SPEM3: variants seen among roughly 807,000 people sequenced by gnomAD.
The protein encoded by SPEM3 is SPEM family member 3, also known as uncharacterized protein SPEM3.
Position 7,431,335 on chromosome 17 carries a change from C to G in SPEM3, c.2164C>G (p.Leu722Val). Reference sequence around the variant, plus strand: ...CCCAGGTCTTGCTCCAAATCAAGGCCTACATGAGTTCCCAGGCCTTCCCCA... The same window carrying G: ...CCCAGGTCTTGCTCCAAATCAAGGCGTACATGAGTTCCCAGGCCTTCCCCA... Reference protein sequence around the residue: ...ENPGLAPNQGLHEFPGLPQDS... With the variant: ...ENPGLAPNQGVHEFPGLPQDS... Residue 722 changes from leucine (L) to valine (V), a missense_variant, in exon 3 of 3, where the codon CTA becomes GTA. By Grantham distance (32) the Leu-to-Val change is conservative (BLOSUM62 1). Coordinates refer to ENST00000636696, the MANE Select transcript of SPEM3 (RefSeq NM_001364708.1). 1 of 398,522 alleles carries G rather than the reference C, an allele frequency of 2.5e-6. No homozygotes were observed. Among genetic ancestry groups the G allele is most frequent in the Non-Finnish European group, 4.4e-6 (1 of 226,062 alleles). 24.7% of individuals were successfully genotyped at this position (398,522 alleles called of 1,614,324 possible).
At position 7,430,074 on chromosome 17, in the gene SPEM3, A is replaced by T; in HGVS notation, c.903A>T (p.Ser301=). The part of the protein sequence containing the change: ...KASAHTKAHT[S]AQAQTHSPPH... Reference sequence around the variant, plus strand: ...CAGCTCACACTAAAGCCCATACGTCAGCCCAGGCCCAAACCCACTCTCCGC... The same window carrying T: ...CAGCTCACACTAAAGCCCATACGTCTGCCCAGGCCCAAACCCACTCTCCGC... The change falls in exon 3 of 3, where the codon TCA becomes TCT. Residue 301 remains serine, a synonymous_variant. Transcript: ENST00000636696. The T allele has an allele frequency of 2.4e-6, 1 of 411,580 alleles. No homozygotes were observed. Among genetic ancestry groups the T allele is most frequent in the Non-Finnish European group, 4.3e-6 (1 of 234,188 alleles). The allele number at this position is 411,580 out of a possible 1,614,324, so 25.5% of individuals were successfully genotyped here.
rs1907798078 is a variant in SPEM3, at chr17:7,430,480, C to G, written c.1309C>G (p.Pro437Ala). 2.5e-6 allele frequency: 1 copy of G among 399,444 alleles called. No individual in the cohort carries two copies. Among genetic ancestry groups the G allele is most frequent in the South Asian group, 1.3e-4 (1 of 7,976 alleles). The allele number at this position is 399,444 out of a possible 1,614,324, so 24.7% of individuals were successfully genotyped here. A position where few individuals can be genotyped will look rare whatever the true frequency, so the allele number is the denominator to read the frequency against. ...APIITPIPST[P>A]PAFSHDLSTG... The stretch of plus-strand genomic sequence containing the variant: ...TATCATAACTCCTATACCCTCTACC[C>G]CACCTGCCTTCAGCCATGACCTCTC... Residue 437 changes from proline to alanine, a missense_variant, in exon 3 of 3, where the codon CCA (proline) becomes GCA (alanine). Pro to Ala is a conservative substitution (Grantham distance 27). Transcript: ENST00000636696.
At position 7,430,878 on chromosome 17, in the gene SPEM3, T is replaced by C; in HGVS notation, c.1707T>C (p.Asp569=). 1 of 398,696 alleles carries C rather than the reference T, an allele frequency of 2.5e-6. No homozygotes were observed. The highest frequency in any genetic ancestry group is 4.4e-6 in the Non-Finnish European group (1 of 226,136). The allele number at this position is 398,696 out of a possible 1,614,324, so 24.7% of individuals were successfully genotyped here. The change falls in exon 3 of 3, where the codon GAT becomes GAC. Residue 569 remains aspartate (D), a synonymous_variant. Transcript: ENST00000636696. ...CCAAATTCCTTGCCTACTCCCGGGA[T>C]ACTGCATGTGCCAAGACTTGCTTTC... The part of the protein sequence containing the change: ...FYPKFLAYSR[D]TACAKTCFHS...
rs528996205 is a variant in SPEM3 at position 7,431,250 on chromosome 17, C to T, written c.2079C>T (p.Ala693=). The T allele has an allele frequency of 2.4e-4, 95 of 398,532 alleles. No homozygotes were observed. Among genetic ancestry groups the T allele is most frequent in the African/African-American group, 1.8e-3 (89 of 48,674 alleles). The allele number at this position is 398,532 out of a possible 1,614,324, so 24.7% of individuals were successfully genotyped here. The change falls in exon 3 of 3, where the codon GCC becomes GCT. Residue 693 remains alanine, a synonymous_variant. Coordinates refer to ENST00000636696, the MANE Select transcript of SPEM3 (RefSeq NM_001364708.1). ...GAGTTCCCAGGAATCTGGACCTTGC[C>T]CAAAACCCAGACCTCTACAAGAACC... The part of the protein sequence containing the change: ...DSRVPRNLDL[A]QNPDLYKNPG...
Position 7,431,512 on chromosome 17 carries a change from G to A in SPEM3, c.2341G>A (p.Gly781Ser), listed in dbSNP as rs967619222. ...LRSPCLTQSP[G>S]LHKKTPFTQT... ...GAGCCCATGTCTCACCCAATCCCCT[G>A]GCCTCCACAAGAAAACACCATTTAC... Residue 781 changes from glycine to serine, a missense_variant, in exon 3 of 3, where the codon GGC becomes AGC. Transcript: ENST00000636696. 9 of 398,416 alleles carry A rather than the reference G, an allele frequency of 2.3e-5. No individual in the cohort carries two copies. The highest frequency in any genetic ancestry group is 4.0e-5 in the Non-Finnish European group (9 of 226,064). 24.7% of individuals were successfully genotyped at this position (398,416 alleles called of 1,614,324 possible). A position where few individuals can be genotyped will look rare whatever the true frequency, so the allele number is the denominator to read the frequency against.
In SPEM3 at chr17:7,431,503, C is replaced by T. The variant is rs1003439028; in HGVS notation, c.2332C>T (p.Gln778Ter). The T allele has an allele frequency of 2.5e-6, 1 of 398,632 alleles. No individual in the cohort carries two copies. The highest frequency in any genetic ancestry group is 4.4e-6 in the Non-Finnish European group (1 of 226,062). 24.7% of individuals were successfully genotyped at this position (398,632 alleles called of 1,614,324 possible). Residue 778 changes from glutamine to a stop codon, truncating the protein, a stop_gained, in exon 3 of 3, where the codon CAA (glutamine) becomes TAA (stop). Coordinates refer to ENST00000636696, the MANE Select transcript of SPEM3 (RefSeq NM_001364708.1). LOFTEE classifies it low-confidence loss of function (END_TRUNC). ...TATCCTTAGGAGCCCATGTCTCACC[C>T]AATCCCCTGGCCTCCACAAGAAAAC... is the stretch of plus-strand genomic sequence containing the variant. Reference protein sequence around the residue: ...AGILRSPCLTQSPGLHKKTPF... With the variant: ...AGILRSPCLT
In SPEM3 at chr17:7,429,108, G is replaced by A. The variant is rs1010159986; in HGVS notation, c.138+68G>A. On this transcript the variant is annotated intron_variant, in intron 1 of 2. Transcript: ENST00000636696. The surrounding 1 kb of genome is among the most constrained non-coding windows in gnomAD (Gnocchi z 4.9). ...GTCTTGAAGGGGCTGAGGTGGGAGG[G>A]CTGTTGGGGTGTGGCCAGATAAGAG... 6 of 398,760 alleles carry A rather than the reference G, an allele frequency of 1.5e-5. No individual in the cohort carries two copies. Among genetic ancestry groups the A allele is most frequent in the Non-Finnish European group, 2.7e-5 (6 of 226,216 alleles). The allele number at this position is 398,760 out of a possible 1,614,324, so 24.7% of individuals were successfully genotyped here.
rs949421681 is a variant in SPEM3, at chr17:7,430,230, T to C, written c.1059T>C (p.His353=). The change falls in exon 3 of 3, where the codon CAT becomes CAC. Residue 353 remains histidine, a synonymous_variant. Transcript: ENST00000636696. ...QAHAPEYTSA[H]APAYIPDHSH... ...ATGCCCCTGAGTACACCTCAGCCCA[T>C]GCCCCAGCGTATATCCCAGACCACT... 34 of 408,428 alleles carry C rather than the reference T, an allele frequency of 8.3e-5. No homozygotes were observed. The highest frequency in any genetic ancestry group is 1.4e-4 in the Non-Finnish European group (32 of 232,026). The allele number at this position is 408,428 out of a possible 1,614,324, so 25.3% of individuals were successfully genotyped here.
At position 7,429,728 on chromosome 17, in the gene SPEM3, C is replaced by T. The variant is rs1056846655; in HGVS notation, c.557C>T (p.Pro186Leu). ...AAGATGAGCAAGTTGGACACGGGTCCATGCCACCTGCCCCAAGAGAGCAAG... is the reference window on the plus strand; with the variant it reads ...AAGATGAGCAAGTTGGACACGGGTCTATGCCACCTGCCCCAAGAGAGCAAG... ...FPKMSKLDTG[P>L]CHLPQESKTK... Residue 186 changes from proline to leucine, a missense_variant, in exon 3 of 3, where the codon CCA (proline) becomes CTA (leucine). Transcript: ENST00000636696. This position sits in a 1 kb window ranked among gnomAD's most constrained non-coding sequence, Gnocchi z 4.9. 7 of 399,140 alleles carry T rather than the reference C, an allele frequency of 1.8e-5. No individual in the cohort carries two copies. Among genetic ancestry groups the T allele is most frequent in the Admixed American group, 8.8e-5 (2 of 22,712 alleles). The allele number at this position is 399,140 out of a possible 1,614,324, so 24.7% of individuals were successfully genotyped here. A position where few individuals can be genotyped will look rare whatever the true frequency, so the allele number is the denominator to read the frequency against.
At position 7,430,912 on chromosome 17, in the gene SPEM3, A is replaced by G; in HGVS notation, c.1741A>G (p.Thr581Ala). The change falls in exon 3 of 3, where the codon ACC (threonine) becomes GCC (alanine). Residue 581 changes from threonine to alanine, a missense_variant. By Grantham distance (58) the Thr-to-Ala change is moderately conservative (BLOSUM62 0). Coordinates refer to ENST00000636696, the MANE Select transcript of SPEM3 (RefSeq NM_001364708.1). The stretch of plus-strand genomic sequence containing the variant: ...TGCCAAGACTTGCTTTCATTCTGCA[A>G]CCACTGCCCAGAGCTCAGTGTGCAC... Reference protein sequence around the residue: ...ACAKTCFHSATTAQSSVCTLP... With the variant: ...ACAKTCFHSAATAQSSVCTLP... 1 of 398,562 alleles carries G rather than the reference A, an allele frequency of 2.5e-6. No homozygotes were observed. The highest frequency in any genetic ancestry group is 4.4e-5 in the Admixed American group (1 of 22,712). The allele number at this position is 398,562 out of a possible 1,614,324, so 24.7% of individuals were successfully genotyped here.
chr17:7,429,180 C>T lies in SPEM3; in HGVS notation c.139-10C>T, dbSNP rs910643553. The T allele has an allele frequency of 5.0e-6, 2 of 398,490 alleles. No individual in the cohort carries two copies. Among genetic ancestry groups the T allele is most frequent in the African/African-American group, 2.1e-5 (1 of 48,614 alleles). 24.7% of individuals were successfully genotyped at this position (398,490 alleles called of 1,614,324 possible). ...GCTTCCGGACTCACCTGCCCTCCCACTCCCTTCAGCTCTGGAAGCATCTGA... is the reference window on the plus strand; with the variant it reads ...GCTTCCGGACTCACCTGCCCTCCCATTCCCTTCAGCTCTGGAAGCATCTGA... On this transcript the variant is annotated splice_polypyrimidine_tract_variant and intron_variant, in intron 1 of 2. Coordinates refer to ENST00000636696, the MANE Select transcript of SPEM3 (RefSeq NM_001364708.1). The surrounding 1 kb of genome is among the most constrained non-coding windows in gnomAD (Gnocchi z 4.9).
At position 7,430,918 on chromosome 17, in the gene SPEM3, G is replaced by A. The variant is rs534003441; in HGVS notation, c.1747G>A (p.Ala583Thr). 121 of 398,550 alleles carry A rather than the reference G, an allele frequency of 3.0e-4. 2 individuals are homozygous for A. Among genetic ancestry groups the A allele is most frequent in the Admixed American group, 1.4e-3 (32 of 22,708 alleles). 24.7% of individuals were successfully genotyped at this position (398,550 alleles called of 1,614,324 possible). Reference protein sequence around the residue: ...AKTCFHSATTAQSSVCTLPPP... With the variant: ...AKTCFHSATTTQSSVCTLPPP... ...GACTTGCTTTCATTCTGCAACCACT[G>A]CCCAGAGCTCAGTGTGCACCCTTCC... The change falls in exon 3 of 3, where the codon GCC becomes ACC. Residue 583 changes from alanine (A) to threonine (T), a missense_variant. Coordinates refer to ENST00000636696, the MANE Select transcript of SPEM3 (RefSeq NM_001364708.1).
Position 7,430,560 on chromosome 17 carries a change from G to T in SPEM3, c.1389G>T (p.Met463Ile), listed in dbSNP as rs1025568453. The T allele has an allele frequency of 1.0e-5, 4 of 398,856 alleles. No homozygotes were observed. The highest frequency in any genetic ancestry group is 1.8e-5 in the Non-Finnish European group (4 of 226,296). 24.7% of individuals were successfully genotyped at this position (398,856 alleles called of 1,614,324 possible). ...ARREKQNFFH[M>I]SSPQNPEYSR... ...GGGAAAAGCAGAATTTCTTCCATAT[G>T]TCCAGCCCCCAGAACCCTGAGTATT... The change falls in exon 3 of 3, where the codon ATG (methionine) becomes ATT (isoleucine). Residue 463 changes from methionine (M) to isoleucine (I), a missense_variant. By Grantham distance (10) the Met-to-Ile change is conservative. Coordinates refer to ENST00000636696, the MANE Select transcript of SPEM3 (RefSeq NM_001364708.1).
At position 7,431,248 on chromosome 17, in the gene SPEM3, GC is replaced by G; in HGVS notation, c.2080del (p.Gln694LysfsTer71). 1 of 398,442 alleles carries G rather than the reference GC, an allele frequency of 2.5e-6. No homozygotes were observed. 24.7% of individuals were successfully genotyped at this position (398,442 alleles called of 1,614,324 possible). On this transcript the variant is annotated frameshift_variant, in exon 3 of 3. Coordinates refer to ENST00000636696, the MANE Select transcript of SPEM3 (RefSeq NM_001364708.1). LOFTEE classifies it low-confidence loss of function (END_TRUNC). ...CAGAGTTCCCAGGAATCTGGACCTTGCCCAAAACCCAGACCTCTACAAGAAC... is the reference window on the plus strand; with the variant it reads ...CAGAGTTCCCAGGAATCTGGACCTTGCCAAAACCCAGACCTCTACAAGAAC... ...DSRVPRNLDLAQNPDLYKNPG... is the reference protein window; with the variant it reads ...DSRVPRNLDLXQNPDLYKNPG...
Position 7,432,660 on chromosome 17 carries a change from A to T in SPEM3, c.3489A>T (p.Ala1163=). The T allele has an allele frequency of 2.5e-6, 1 of 398,692 alleles. No individual in the cohort carries two copies. Among genetic ancestry groups the T allele is most frequent in the East Asian group, 3.6e-5 (1 of 28,082 alleles). The allele number at this position is 398,692 out of a possible 1,614,324, so 24.7% of individuals were successfully genotyped here. A position where few individuals can be genotyped will look rare whatever the true frequency, so the allele number is the denominator to read the frequency against. Residue 1163 remains alanine (A), a synonymous_variant, in exon 3 of 3, where the codon GCA becomes GCT. Coordinates refer to ENST00000636696, the MANE Select transcript of SPEM3 (RefSeq NM_001364708.1). The surrounding 1 kb of genome is among the most constrained non-coding windows in gnomAD (Gnocchi z 4.1). ...TTGATGCCCGTCAGAGACGGTTGGCAGTGGGCAAGGACAAGTGTGAAGCTC... is the reference window on the plus strand; with the variant it reads ...TTGATGCCCGTCAGAGACGGTTGGCTGTGGGCAAGGACAAGTGTGAAGCTC... The part of the protein sequence containing the change: ...VVFDARQRRL[A]VGKDKCEALS...
In SPEM3 at chr17:7,432,572, C is replaced by T; in HGVS notation, c.3401C>T (p.Pro1134Leu). 2.5e-6 allele frequency: 1 copy of T among 398,696 alleles called. No individual in the cohort carries two copies. Among genetic ancestry groups the T allele is most frequent in the Non-Finnish European group, 4.4e-6 (1 of 226,084 alleles). The allele number at this position is 398,696 out of a possible 1,614,324, so 24.7% of individuals were successfully genotyped here. A position where few individuals can be genotyped will look rare whatever the true frequency, so the allele number is the denominator to read the frequency against. Residue 1134 changes from proline to leucine, a missense_variant, in exon 3 of 3, where the codon CCT (proline) becomes CTT (leucine). Transcript: ENST00000636696. This position sits in a 1 kb window ranked among gnomAD's most constrained non-coding sequence, Gnocchi z 4.1. ...GYQNYRQMSM[P>L]THINWKSHCP... ...CAGAACTATCGTCAGATGTCTATGC[C>T]TACCCATATCAACTGGAAGTCCCAC...
chr17:7,429,071 G>T lies in SPEM3; in HGVS notation c.138+31G>T. 1 of 398,984 alleles carries T rather than the reference G, an allele frequency of 2.5e-6. No homozygotes were observed. The highest frequency in any genetic ancestry group is 4.4e-6 in the Non-Finnish European group (1 of 226,200). The allele number at this position is 398,984 out of a possible 1,614,324, so 24.7% of individuals were successfully genotyped here. Reference sequence around the variant, plus strand: ...GGCAGGATCTGGGTAGCAGGGTTGGGGGAGCCCTGGGGTCTTGAAGGGGCT... The same window carrying T: ...GGCAGGATCTGGGTAGCAGGGTTGGTGGAGCCCTGGGGTCTTGAAGGGGCT... On this transcript the variant is annotated intron_variant, in intron 1 of 2. Coordinates refer to ENST00000636696, the MANE Select transcript of SPEM3 (RefSeq NM_001364708.1). The surrounding 1 kb of genome is among the most constrained non-coding windows in gnomAD (Gnocchi z 4.9).
chr17:7,431,043 T>C lies in SPEM3; in HGVS notation c.1872T>C (p.Pro624=). Residue 624 remains proline, a synonymous_variant, in exon 3 of 3, where the codon CCT becomes CCC. Transcript: ENST00000636696. ...GGCCTTCCACCTTAATACAAACCCC[T>C]ACTGTTCTTCCAACCTCCAAGTCTC... is the stretch of plus-strand genomic sequence containing the variant. ...HQRPSTLIQT[P]TVLPTSKSPQ... 1 of 398,726 alleles carries C rather than the reference T, an allele frequency of 2.5e-6. No homozygotes were observed. Among genetic ancestry groups the C allele is most frequent in the Non-Finnish European group, 4.4e-6 (1 of 226,152 alleles). The allele number at this position is 398,726 out of a possible 1,614,324, so 24.7% of individuals were successfully genotyped here. A position where few individuals can be genotyped will look rare whatever the true frequency, so the allele number is the denominator to read the frequency against.
Position 7,431,764 on chromosome 17 carries a change from G to C in SPEM3, c.2593G>C (p.Gly865Arg). Residue 865 changes from glycine to arginine, a missense_variant, in exon 3 of 3, where the codon GGA becomes CGA. By Grantham distance (125) the Gly-to-Arg change is moderately radical. Coordinates refer to ENST00000636696, the MANE Select transcript of SPEM3 (RefSeq NM_001364708.1). ...CSTAGLTEDS[G>R]SQKGPYVPQD... Reference sequence around the variant, plus strand: ...TACCGCAGGCCTTACTGAAGATTCTGGATCACAGAAGGGTCCGTATGTTCC... The same window carrying C: ...TACCGCAGGCCTTACTGAAGATTCTCGATCACAGAAGGGTCCGTATGTTCC... 2.5e-6 allele frequency: 1 copy of C among 398,644 alleles called. No homozygotes were observed. Among genetic ancestry groups the C allele is most frequent in the Non-Finnish European group, 4.4e-6 (1 of 226,082 alleles). 24.7% of individuals were successfully genotyped at this position (398,644 alleles called of 1,614,324 possible). A position where few individuals can be genotyped will look rare whatever the true frequency, so the allele number is the denominator to read the frequency against.
Sources: gnomAD v4.1 joint callset for allele counts on GRCh38, gnomAD v4.1.1 for gene constraint, Gnocchi (gnomAD v3.1) non-coding constraint, MANE v1.5 for transcripts, NCBI Gene and HGNC (gene_info 2026-07-23, HGNC 2026-07-21) for gene names.